Variants in DPF3 observed in about 807,000 individuals in gnomAD.
DPF3 encodes double PHD fingers 3.
A neutral mutation model predicts 56.8 loss-of-function variants in DPF3; 18 were observed. The observed-to-expected ratio is 0.32, with a 90% CI of 0.22 to 0.47. The LOEUF is 0.47. Ranked by LOEUF, DPF3 falls within the 20% of genes least tolerant of loss-of-function variation. The probability of loss-of-function intolerance (pLI) is 1.00; values close to 1 mark genes in which losing one functional copy is unlikely to be tolerated. For missense variants in DPF3, 403 were observed against 488.8 expected (o/e 0.82, Z 1.65); for synonymous variants, 188 against 180.2 (o/e 1.04, Z -0.35).
At position 72,622,793 on chromosome 14, in the gene DPF3, G is replaced by A. The variant is rs745337185; in HGVS notation, c.985-2809C>T. Among the ~76,000 whole-genome samples, 19 of 152,094 alleles carry A rather than the reference G, an allele frequency of 1.2e-4. No individual in the cohort carries two copies. The Middle Eastern group carries it at 0.017, about 136-fold the overall frequency. On this transcript the variant is annotated intron_variant, in intron 9 of 10. Coordinates refer to ENST00000556509, the MANE Select transcript of DPF3 (RefSeq NM_001280542.3). ...CCAGCAGAATGGGAATCCCATTCTC[G>A]GATATCCAGGGTAAATCCCTGACCA... is the stretch of plus-strand genomic sequence containing the variant.
At chr14:72,701,319 G>A (rs1010314761) in intron 6 of DPF3, among the ~76,000 whole-genome samples, 2 of 152,208 alleles carry the variant, frequency 1.3e-5, no homozygotes, top group Non-Finnish European at 1.5e-5. Flanking sequence ...GGAGAGCAGT[G>A]GCTGTGACAA....
In DPF3 at chr14:72,677,866, A is replaced by T. The variant is rs530724438; in HGVS notation, c.743-3498T>A. Among the ~76,000 whole-genome samples, 4 of 152,286 alleles carry T rather than the reference A, an allele frequency of 2.6e-5. No individual in the cohort carries two copies. The South Asian group carries it at 6.2e-4, about 24-fold the overall frequency. ...CCCCTCCTGTGGGAGGCGAGACATC[A>T]TTCTGCACCAAACACACAAGAACAT... On this transcript the variant is annotated intron_variant, in intron 7 of 10. Coordinates refer to ENST00000556509, the MANE Select transcript of DPF3 (RefSeq NM_001280542.3).
intron 6 of DPF3, among the ~76,000 whole-genome samples, chr14:72,709,807 G>C (rs1302743418): frequency 2.6e-5 from 4 of 151,980 alleles, no homozygotes; most frequent in African/African-American, 9.7e-5. Flanking sequence ...GCCTCTCCAG[G>C]TTGGTGTGGG....
chr14:72,768,933 CTGTGTGTGTGTGTGTGTGTGTGTGTG>C (rs10543093), intron 2 of DPF3, among the ~76,000 whole-genome samples: 3 of 146,398 alleles, frequency 2.0e-5, no homozygotes, highest in Non-Finnish European at 4.5e-5. Context: ...GTGTGAGTGT[CTGTGTGTGTGTGTGTGTGTGTGTGTG>C]TGTGTGTGTG....
intron 8 of DPF3, chr14:72,670,504 G>A (rs1160368978): frequency 5.1e-6 from 5 of 984,822 alleles, no homozygotes; most frequent in Non-Finnish European, 6.0e-6. Context: ...GAGAATGAGG[G>A]AGGGGTCTGC....
At chr14:72,662,893 A>T in intron 8 of DPF3, 5 of 924,126 alleles carry the variant, frequency 5.4e-6, no homozygotes, top group Non-Finnish European at 5.2e-6. Context: ...ACAACTACTT[A>T]AAAAAGAAAG....
At chr14:72,671,056 A>C in intron 8 of DPF3, 1 of 1,526,540 alleles carries the variant, frequency 6.6e-7, no homozygotes, top group Non-Finnish European at 8.8e-7. Flanking sequence ...CTTTCATTAA[A>C]AAAAATATAT....
At chr14:72,805,069 A>ACACACACACACACAC (rs1599457315) in intron 1 of DPF3, among the ~76,000 whole-genome samples, 1 of 22,214 alleles carries the variant, frequency 4.5e-5, no homozygotes, top group African/African-American at 1.7e-4. Context: ...CACACACACA[A>ACACACACACACACAC]ACACACAGAC....
chr14:72,650,190 A>T (rs1885866304), intron 8 of DPF3, among the ~76,000 whole-genome samples: 1 of 152,110 alleles, frequency 6.6e-6, no homozygotes, highest in East Asian at 2.0e-4. Context: ...GGGACTGCTC[A>T]TTAGCTACCC....
intron 1 of DPF3, among the ~76,000 whole-genome samples, chr14:72,823,027 T>C (rs758311399): frequency 4.6e-5 from 7 of 152,170 alleles, no homozygotes; most frequent in Non-Finnish European, 8.8e-5. Context: ...CTCATCCCTA[T>C]TGCAACCAGT....
At position 72,800,764 on chromosome 14, in the gene DPF3, G is replaced by GGATACATGGGTA. The variant is rs1349362428; in HGVS notation, c.33-28872_33-28871insTACCCATGTATC. Reference sequence around the variant, plus strand: ...TGGATGCATGGATGGGTGCATGGGTGGATGCATGAGTGGATGCATGGGTGG... The same window carrying GGATACATGGGTA: ...TGGATGCATGGATGGGTGCATGGGTGGATACATGGGTAGATGCATGAGTGGATGCATGGGTGG... On this transcript the variant is annotated intron_variant, in intron 1 of 10. Transcript: ENST00000556509. Among the ~76,000 whole-genome samples, 61 of 152,028 alleles carry GGATACATGGGTA rather than the reference G, an allele frequency of 4.0e-4. 1 individual carries two copies. The highest frequency in any genetic ancestry group is 3.9e-3 in the Admixed American group (60 of 15,264).
intron 1 of DPF3, among the ~76,000 whole-genome samples, chr14:72,845,279 A>G (rs1201137796): frequency 6.6e-6 from 1 of 152,222 alleles, no homozygotes; most frequent in Non-Finnish European, 1.5e-5. Context: ...TGAGGTACAC[A>G]GGGAGAAAAC....
In DPF3 at chr14:72,613,250, C is replaced by T. The variant is rs1339335585; in HGVS notation, c.*6047G>A. ...AGGCCTCTGCCATTTCCTACAAGGC[C>T]CACTTACCTGCCCTCCCGTCCCCAC... On this transcript the variant is annotated 3_prime_UTR_variant, in exon 11 of 11. Coordinates refer to ENST00000556509, the MANE Select transcript of DPF3 (RefSeq NM_001280542.3). Among the ~76,000 whole-genome samples, 1 of 152,106 alleles carries T rather than the reference C, an allele frequency of 6.6e-6. No individual in the cohort carries two copies. The highest frequency in any genetic ancestry group is 2.4e-5 in the African/African-American group (1 of 41,416).
At chr14:72,884,304 C>CAT in intron 1 of DPF3, among the ~76,000 whole-genome samples, 1 of 152,158 alleles carries the variant, frequency 6.6e-6, no homozygotes, top group African/African-American at 2.4e-5. Context: ...GATGAGTAGA[C>CAT]CTTGCATTTC....
chr14:72,766,232 G>C (rs1176842989), intron 2 of DPF3, among the ~76,000 whole-genome samples: 1 of 152,150 alleles, frequency 6.6e-6, no homozygotes, highest in African/African-American at 2.4e-5. Flanking sequence ...TCTGCTTCTG[G>C]AAAGATGAAA....
At chr14:72,843,789 G>A (rs985801123) in intron 1 of DPF3, among the ~76,000 whole-genome samples, 8 of 152,264 alleles carry the variant, frequency 5.3e-5, no homozygotes, top group African/African-American at 1.7e-4. Flanking sequence ...TGATCCACCC[G>A]CCTCAGCCTC....
chr14:72,818,098 G>A (rs1883366914), intron 1 of DPF3, among the ~76,000 whole-genome samples: 1 of 151,888 alleles, frequency 6.6e-6, no homozygotes, highest in African/African-American at 2.4e-5. Context: ...AAAATTAGCT[G>A]GGCATGGTGG....
At chr14:72,814,406 G>T (rs1301929186) in intron 1 of DPF3, among the ~76,000 whole-genome samples, 2 of 152,090 alleles carry the variant, frequency 1.3e-5, no homozygotes, top group Non-Finnish European at 1.5e-5. Flanking sequence ...TACAGTGCCT[G>T]GCACAATGCT....
intron 1 of DPF3, among the ~76,000 whole-genome samples, chr14:72,875,139 T>C (rs567258352): frequency 1.3e-5 from 2 of 152,322 alleles, no homozygotes; most frequent in East Asian, 3.9e-4. Flanking sequence ...CTGGCCTCCA[T>C]GATTCAATTA....
Sources: gnomAD v4.1 joint callset for allele counts (sites outside exome capture counted in the v4.1 genomes callset) on GRCh38, gnomAD v4.1.1 for gene constraint, MANE v1.5 for transcripts, NCBI Gene and HGNC (gene_info 2026-07-23, HGNC 2026-07-21) for gene names.